The following ASIC2 variants were observed in gnomAD, a reference collection of about 807,000 sequenced individuals.
ASIC2 encodes acid sensing ion channel subunit 2.
ASIC2 carries 25 observed loss-of-function variants against 57.3 expected under a neutral mutation model. The observed-to-expected ratio is 0.44, with a 90% CI of 0.32 to 0.61. The LOEUF (loss-of-function observed/expected upper bound fraction) is 0.61. Ranked by LOEUF, ASIC2 falls within the 20% of genes least tolerant of loss-of-function variation. The pLI, the probability that ASIC2 is intolerant of heterozygous loss-of-function variation, is 0.06. For missense variants in ASIC2, 641 were observed against 738.1 expected (o/e 0.87, Z 1.52); for synonymous variants, 319 against 307.5 (o/e 1.04, Z -0.39).
At chr17:33,141,521 T>G (rs1281825235) in intron 1 of ASIC2, among the ~76,000 whole-genome samples, 1 of 152,194 alleles carries the variant, frequency 6.6e-6, no homozygotes, top group East Asian at 1.9e-4. Flanking sequence ...CAAACACTTG[T>G]GATTTAAGCT....
chr17:33,153,828 C>G (rs925664975), intron 1 of ASIC2, among the ~76,000 whole-genome samples: 21 of 152,308 alleles, frequency 1.4e-4, no homozygotes, highest in Admixed American at 9.8e-4. Flanking sequence ...CCCACGTCCA[C>G]TCTTGATCCA....
At chr17:33,312,817 T>C (rs567645295) in intron 1 of ASIC2, among the ~76,000 whole-genome samples, 2 of 152,206 alleles carry the variant, frequency 1.3e-5, no homozygotes, top group South Asian at 4.2e-4. Flanking sequence ...ATGCCTGTAA[T>C]CCTGGCTCTT....
chr17:33,389,033 C>T (rs1052715309), intron 1 of ASIC2, among the ~76,000 whole-genome samples: 16 of 152,210 alleles, frequency 1.1e-4, no homozygotes, highest in African/African-American at 3.9e-4. Flanking sequence ...AATCTTGGCT[C>T]ACTGCAACCT....
intron 1 of ASIC2, among the ~76,000 whole-genome samples, chr17:34,083,105 C>G (rs1909958862): frequency 6.6e-6 from 1 of 151,300 alleles, no homozygotes; most frequent in Non-Finnish European, 1.5e-5. Flanking sequence ...ATGTGCCATG[C>G]TGCTGCACTG....
In ASIC2 at chr17:33,865,753, A is replaced by C. The variant is rs529702999; in HGVS notation, c.555+290225T>G. ...CCCTAAAACTTAGAGTATAATAAAA[A>C]AAAAATAAAAAAAAAAAACAAAAAA... On this transcript the variant is annotated intron_variant, in intron 1 of 9. Transcript: ENST00000359872. Among the ~76,000 whole-genome samples the C allele has an allele frequency of 4.3e-3, 394 of 91,988 alleles. 5 individuals are homozygous for C. Among genetic ancestry groups the C allele is most frequent in the African/African-American group, 0.015 (376 of 25,906 alleles). 60.3% of individuals were successfully genotyped at this position (91,988 alleles called of 152,430 possible).
In ASIC2 at chr17:33,953,100, A is replaced by G. The variant is rs1904629445; in HGVS notation, c.555+202878T>C. Among the ~76,000 whole-genome samples the G allele has an allele frequency of 2.0e-5, 3 of 152,336 alleles. No homozygotes were observed. The South Asian group carries it at 6.2e-4, about 32-fold the overall frequency. Reference sequence around the variant, plus strand: ...ACACAAATATTAGAAACAAAACTATATATTTGTATGAGATCATCTACATAC... The same window carrying G: ...ACACAAATATTAGAAACAAAACTATGTATTTGTATGAGATCATCTACATAC... On this transcript the variant is annotated intron_variant, in intron 1 of 9. Transcript: ENST00000359872.
chr17:33,233,049 C>T (rs534263630), intron 1 of ASIC2, among the ~76,000 whole-genome samples: 1 of 152,192 alleles, frequency 6.6e-6, no homozygotes, highest in East Asian at 1.9e-4. Context: ...AAGGCCTGTC[C>T]TGGCAGACTC....
At chr17:33,646,468 A>G (rs1376700235) in intron 1 of ASIC2, among the ~76,000 whole-genome samples, 3 of 152,180 alleles carry the variant, frequency 2.0e-5, no homozygotes, top group African/African-American at 7.2e-5. Context: ...CCTGGGTGGT[A>G]TAAGAAAGTT....
chr17:33,035,788 T>A (rs1478915788), intron 3 of ASIC2, among the ~76,000 whole-genome samples: 1 of 152,236 alleles, frequency 6.6e-6, no homozygotes, highest in African/African-American at 2.4e-5. Context: ...TCTCTCCCTA[T>A]CCACATACAG....
intron 1 of ASIC2, among the ~76,000 whole-genome samples, chr17:33,420,567 T>C (rs996005675): frequency 2.0e-5 from 3 of 152,192 alleles, no homozygotes; most frequent in Non-Finnish European, 4.4e-5. Context: ...CACTTTCTTT[T>C]GGGTTAAGGT....
intron 1 of ASIC2, among the ~76,000 whole-genome samples, chr17:33,371,419 G>A (rs1159678423): frequency 1.3e-5 from 2 of 152,194 alleles, no homozygotes; most frequent in Non-Finnish European, 2.9e-5. Context: ...ACAGGGAGAG[G>A]TCACACAACA....
intron 1 of ASIC2, among the ~76,000 whole-genome samples, chr17:33,678,763 T>G (rs1907906822): frequency 6.6e-6 from 1 of 152,128 alleles, no homozygotes; most frequent in Non-Finnish European, 1.5e-5. Context: ...AGCTGGAACC[T>G]CAGAGCAAAT....
At chr17:33,240,557 C>T (rs1011685806) in intron 1 of ASIC2, among the ~76,000 whole-genome samples, 1 of 152,218 alleles carries the variant, frequency 6.6e-6, no homozygotes, top group African/African-American at 2.4e-5. Flanking sequence ...CACTGTGCAG[C>T]TCAGACGTGG....
rs1036771331 is a variant in ASIC2, at chr17:33,285,569, A to C, written c.708+5839T>G. On this transcript the variant is annotated intron_variant, in intron 1 of 9. Coordinates refer to ENST00000225823, the MANE Select transcript of ASIC2 (RefSeq NM_183377.2). ...CTCATATTAAACAGGAGAATCCTGA[A>C]ACCAAAGTCACTCAACTAGCCAGGG... Among the ~76,000 whole-genome samples, 3 of 152,334 alleles carry C rather than the reference A, an allele frequency of 2.0e-5. No homozygotes were observed. In the East Asian group the frequency reaches 5.8e-4, roughly 29 times the overall value.
intron 1 of ASIC2, among the ~76,000 whole-genome samples, chr17:33,605,013 T>TTCTCTCTCTCTC (rs5820054): frequency 4.7e-5 from 7 of 148,122 alleles, no homozygotes; most frequent in Middle Eastern, 3.5e-3. Context: ...TATTACTTCA[T>TTCTCTCTCTCTC]TCTCTCTCTC....
chr17:33,633,011 C>T (rs893108229), intron 1 of ASIC2, among the ~76,000 whole-genome samples: 1 of 152,192 alleles, frequency 6.6e-6, no homozygotes, highest in South Asian at 2.1e-4. Flanking sequence ...CTTACTTTTG[C>T]TCCCTGCTGG....
chr17:34,144,964 A>G (rs985310588), intron 1 of ASIC2, among the ~76,000 whole-genome samples: 3 of 151,866 alleles, frequency 2.0e-5, no homozygotes, highest in African/African-American at 4.8e-5. Flanking sequence ...TAGTCCATAA[A>G]CCTCTCAGTC....
intron 1 of ASIC2, among the ~76,000 whole-genome samples, chr17:34,077,949 A>C (rs1909733224): frequency 6.6e-6 from 1 of 152,100 alleles, no homozygotes; most frequent in African/African-American, 2.4e-5. Flanking sequence ...TCCTTCCTCC[A>C]GGACATCCTG....
At chr17:34,095,637 AT>A (rs1567818880) in intron 1 of ASIC2, among the ~76,000 whole-genome samples, 15 of 126,686 alleles carry the variant, frequency 1.2e-4, no homozygotes, top group African/African-American at 5.1e-4. Flanking sequence ...ATAATTTTAT[AT>A]ATATATATAT....
Sources: gnomAD v4.1 joint callset for allele counts (sites outside exome capture counted in the v4.1 genomes callset) on GRCh38, gnomAD v4.1.1 for gene constraint, MANE v1.5 for transcripts, NCBI Gene and HGNC (gene_info 2026-07-23, HGNC 2026-07-21) for gene names.